The following WDR41 variants were observed in gnomAD, a reference collection of about 807,000 sequenced individuals.
The protein encoded by WDR41 is WD repeat-containing protein 41.
Under a neutral mutation model 69.3 loss-of-function variants are expected in WDR41, and 63 were observed. The ratio of observed to expected loss-of-function variants is 0.91; its 90% confidence interval spans 0.74 to 1.12. The LOEUF (loss-of-function observed/expected upper bound fraction) is 1.12, where lower values mean the gene tolerates loss of function less well. WDR41 is among the 50% of genes most tolerant of loss of function. The pLI is 0.00. For missense variants in WDR41, 543 were observed against 534.5 expected (o/e 1.02, Z -0.16); for synonymous variants, 185 against 192.1 (o/e 0.96, Z 0.31).
intron 5 of WDR41, among the ~76,000 whole-genome samples, chr5:77,455,624 G>A (rs1799798386): frequency 6.6e-6 from 1 of 152,086 alleles, no homozygotes; most frequent in African/African-American, 2.4e-5. Context: ...TTAACTTTTG[G>A]ATATGATATG....
rs1420816991 is a variant in WDR41, at chr5:77,617,559, TATC to T, written c.42+2917_42+2919del. 1.3e-3 allele frequency among the ~76,000 whole-genome samples: 203 copies of T among 152,328 alleles called. 1 individual carries two copies. The highest frequency in any genetic ancestry group is 7.1e-3 in the Admixed American group (109 of 15,300). On this transcript the variant is annotated intron_variant, in intron 1 of 5. Transcript: ENST00000509971. ...AAAATCAGAGAAAGCTATAAACAAA[TATC>T]ATAGTCATTAAAACTAGGCATATGA...
intron 2 of WDR41, among the ~76,000 whole-genome samples, chr5:77,475,369 G>A (rs1800860974): frequency 6.6e-6 from 1 of 152,154 alleles, no homozygotes; most frequent in African/African-American, 2.4e-5. Flanking sequence ...CTGGGGGCAG[G>A]GCACAGACAA....
intron 1 of WDR41, among the ~76,000 whole-genome samples, chr5:77,540,900 C>A (rs1203171809): frequency 6.6e-6 from 1 of 152,034 alleles, no homozygotes; most frequent in Admixed American, 6.6e-5. Flanking sequence ...TGTCTTGTTT[C>A]AAATTGGCAG....
At chr5:77,465,848 C>A (rs1424678376) in intron 2 of WDR41, among the ~76,000 whole-genome samples, 1 of 151,776 alleles carries the variant, frequency 6.6e-6, no homozygotes, top group African/African-American at 2.4e-5. Context: ...TTTTTTACCC[C>A]TTTATGAGAT....
At chr5:77,538,006 G>A (rs1743020524) in intron 1 of WDR41, among the ~76,000 whole-genome samples, 1 of 149,736 alleles carries the variant, frequency 6.7e-6, no homozygotes, top group Admixed American at 6.6e-5. Flanking sequence ...TTGTGTAGAT[G>A]TCAAGTCAGG....
At chr5:77,505,313 C>T (rs977041959) in intron 1 of WDR41, among the ~76,000 whole-genome samples, 1 of 152,142 alleles carries the variant, frequency 6.6e-6, no homozygotes, top group Non-Finnish European at 1.5e-5. Context: ...AGGAATCCAA[C>T]TTACAAGGGA....
intron 1 of WDR41, among the ~76,000 whole-genome samples, chr5:77,611,522 A>G (rs1219476607): frequency 2.0e-5 from 3 of 152,246 alleles, no homozygotes; most frequent in African/African-American, 2.4e-5. Flanking sequence ...CCGCTCAACT[A>G]CATGGAAACT....
chr5:77,488,753 G>A (rs1189938759), intron 2 of WDR41, among the ~76,000 whole-genome samples: 2 of 152,068 alleles, frequency 1.3e-5, no homozygotes, highest in Non-Finnish European at 2.9e-5. Context: ...AAAACATGGT[G>A]AATAAGAAAA....
intron 1 of WDR41, among the ~76,000 whole-genome samples, chr5:77,498,837 GAAAAAGAA>G (rs372466617): frequency 0.023 from 3,443 of 147,818 alleles, 121 homozygotes; most frequent in African/African-American, 0.081. Context: ...AAAGAAAAAA[GAAAAAGAA>G]AAAAAGAAAA....
intron 1 of WDR41, among the ~76,000 whole-genome samples, chr5:77,562,617 A>T (rs1743547960): frequency 6.6e-6 from 1 of 152,210 alleles, no homozygotes; most frequent in Admixed American, 6.5e-5. Context: ...ACAAAATGAC[A>T]TGATAATTGT....
chr5:77,609,160 A>T (rs539804522), intron 1 of WDR41, among the ~76,000 whole-genome samples: 1 of 152,238 alleles, frequency 6.6e-6, no homozygotes, highest in East Asian at 1.9e-4. Context: ...GGAAGCTCCA[A>T]CTGGGTGGAG....
At chr5:77,483,530 A>C (rs1801381216) in intron 2 of WDR41, among the ~76,000 whole-genome samples, 1 of 148,630 alleles carries the variant, frequency 6.7e-6, no homozygotes. Context: ...GTGTGTATGC[A>C]ACGTATGCAT....
At chr5:77,617,951 G>A (rs556154755) in intron 1 of WDR41, among the ~76,000 whole-genome samples, 1 of 152,298 alleles carries the variant, frequency 6.6e-6, no homozygotes, top group Non-Finnish European at 1.5e-5. Flanking sequence ...GGGCTGCAGA[G>A]GGAGATGTAA....
intron 1 of WDR41, among the ~76,000 whole-genome samples, chr5:77,610,232 C>T (rs1744519729): frequency 6.6e-6 from 1 of 152,130 alleles, no homozygotes; most frequent in African/African-American, 2.4e-5. Flanking sequence ...GAAAACACTG[C>T]AGGATATTAT....
intron 1 of WDR41, among the ~76,000 whole-genome samples, chr5:77,546,530 T>G (rs1199458680): frequency 2.6e-5 from 4 of 152,096 alleles, no homozygotes; most frequent in African/African-American, 9.7e-5. Context: ...AAGAGATGGA[T>G]AAATTGTTGG....
chr5:77,597,060 C>T (rs148226105), intron 1 of WDR41, among the ~76,000 whole-genome samples: 3,654 of 151,718 alleles, frequency 0.024, 61 homozygotes, highest in Non-Finnish European at 0.035. Context: ...GAGGTTGAGG[C>T]TGCAGTGAGC....
At chr5:77,601,207 C>A (rs1744318442) in intron 1 of WDR41, among the ~76,000 whole-genome samples, 1 of 151,620 alleles carries the variant, frequency 6.6e-6, no homozygotes, top group South Asian at 2.1e-4. Flanking sequence ...AGTACTATTG[C>A]CTAAAATAGT....
rs1320817218 is a variant in WDR41, at chr5:77,609,228, G to A, written c.42+11251C>T. ...TGTAGGCTCCACCTCTGGGGGCAGG[G>A]CACAGACAAACAAAAAGACAGCAGT... On this transcript the variant is annotated intron_variant, in intron 1 of 5. Transcript: ENST00000509971. 3.3e-5 allele frequency among the ~76,000 whole-genome samples: 5 copies of A among 152,232 alleles called. No individual in the cohort carries two copies. In the East Asian group the frequency reaches 9.6e-4, roughly 29 times the overall value.
intron 1 of WDR41, among the ~76,000 whole-genome samples, chr5:77,573,934 T>C (rs1259955088): frequency 1.3e-5 from 2 of 152,162 alleles, no homozygotes; most frequent in African/African-American, 4.8e-5. Flanking sequence ...GGTCTCATTA[T>C]TGCTTGCTTC....
Sources: allele counts gnomAD v4.1 joint callset (sites outside exome capture counted in the v4.1 genomes callset), GRCh38; gene constraint gnomAD v4.1.1; transcripts MANE v1.5; gene names NCBI Gene and HGNC (gene_info 2026-07-23, HGNC 2026-07-21).